The following PNKD variants were observed in gnomAD, a reference collection of about 807,000 sequenced individuals.
The protein encoded by PNKD is probable thioesterase PNKD.
Under a neutral mutation model 45.3 loss-of-function variants are expected in PNKD, and 36 were observed. The observed-to-expected ratio is 0.80, with a 90% confidence interval of 0.61 to 1.05. PNKD has a LOEUF of 1.05. Ranked by LOEUF, PNKD falls within the 50% of genes least tolerant of loss-of-function variation. PNKD has a pLI of 0.00. For synonymous variants in PNKD, 197 were observed against 210.1 expected (o/e 0.94, Z 0.54); for missense variants, 511 against 506.6 (o/e 1.01, Z -0.08).
chr2:218,323,492 TG>T (rs1314509367), intron 2 of PNKD: 18 of 601,990 alleles, frequency 3.0e-5, no homozygotes, highest in Non-Finnish European at 3.8e-5. Context: ...GAGAGGGGAC[TG>T]GGAGGCGGGG....
chr2:218,325,009 T>TC (rs1694106282), intron 2 of PNKD, among the ~76,000 whole-genome samples: 1 of 115,944 alleles, frequency 8.6e-6, no homozygotes, highest in African/African-American at 3.6e-5. Context: ...TTTTTTTTTT[T>TC]TTTTTTTTTT....
chr2:218,282,294 A>G, intron 2 of PNKD: 1 of 603,262 alleles, frequency 1.7e-6, no homozygotes. Flanking sequence ...AACACCACCT[A>G]TTTTCTCCTT....
chr2:218,307,027 A>G (rs777439289), intron 2 of PNKD, among the ~76,000 whole-genome samples: 3 of 152,194 alleles, frequency 2.0e-5, no homozygotes, highest in Non-Finnish European at 4.4e-5. Context: ...CAAAACAATG[A>G]CATTCGTTTA....
chr2:218,279,952 C>T (rs1691698203), intron 2 of PNKD: 1 of 1,093,898 alleles, frequency 9.1e-7, no homozygotes, highest in Non-Finnish European at 1.4e-6. Flanking sequence ...CCTGGGGCTA[C>T]TGTGGCCTAC....
intron 2 of PNKD, among the ~76,000 whole-genome samples, chr2:218,305,578 C>T (rs905743325): frequency 1.3e-5 from 2 of 151,414 alleles, no homozygotes; most frequent in Non-Finnish European, 2.9e-5. Flanking sequence ...TCTTGAATTT[C>T]TAGACAATTT....
At chr2:218,302,179 T>A (rs900811432) in intron 2 of PNKD, among the ~76,000 whole-genome samples, 10 of 152,042 alleles carry the variant, frequency 6.6e-5, no homozygotes, top group African/African-American at 2.4e-4. Flanking sequence ...GAAACCTGTC[T>A]CTACTAAAAA....
intron 2 of PNKD, among the ~76,000 whole-genome samples, chr2:218,296,373 G>T (rs1001473207): frequency 1.3e-5 from 2 of 152,062 alleles, no homozygotes; most frequent in Non-Finnish European, 2.9e-5. Context: ...AGGACTGGAT[G>T]TTATTTTAGG....
chr2:218,272,529 T>C (rs772154569), intron 2 of PNKD: 22 of 1,608,668 alleles, frequency 1.4e-5, no homozygotes, highest in South Asian at 7.7e-5. Flanking sequence ...GGCTCAGGCT[T>C]GGCCCCTCCC....
chr2:218,319,163 C>T (rs1693907147), intron 2 of PNKD, among the ~76,000 whole-genome samples: 1 of 151,136 alleles, frequency 6.6e-6, no homozygotes, highest in Non-Finnish European at 1.5e-5. Flanking sequence ...CTATGTTGGC[C>T]AGGCTGGTCT....
At chr2:218,321,567 T>C (rs1179857852) in intron 2 of PNKD, among the ~76,000 whole-genome samples, 3 of 151,722 alleles carry the variant, frequency 2.0e-5, no homozygotes. Flanking sequence ...TAATTTAACA[T>C]ATCCCTCACC....
At chr2:218,331,623 ATGCCCGGC>A (rs1171623911) in intron 2 of PNKD, among the ~76,000 whole-genome samples, 2 of 152,002 alleles carry the variant, frequency 1.3e-5, no homozygotes, top group East Asian at 3.9e-4. Flanking sequence ...TTGCACCATC[ATGCCCGGC>A]TAATTTTTGT....
chr2:218,317,596 TC>T (rs1693850478), intron 2 of PNKD, among the ~76,000 whole-genome samples: 1 of 152,138 alleles, frequency 6.6e-6, no homozygotes, highest in Admixed American at 6.5e-5. Context: ...ACTAAAGGCT[TC>T]CACTGCAGAA....
intron 2 of PNKD, among the ~76,000 whole-genome samples, chr2:218,322,348 C>T (rs1319532589): frequency 6.6e-6 from 1 of 152,228 alleles, no homozygotes; most frequent in Admixed American, 6.5e-5. Context: ...CACGCCTGTC[C>T]TCACACCTGC....
intron 2 of PNKD, among the ~76,000 whole-genome samples, chr2:218,332,293 A>G (rs1694349938): frequency 6.6e-6 from 1 of 152,114 alleles, no homozygotes; most frequent in Non-Finnish European, 1.5e-5. Context: ...GGCAAAATTG[A>G]GAGGGATCCT....
rs117445020 is a variant in PNKD, at chr2:218,277,141, A to G, written c.236+5592A>G. On this transcript the variant is annotated intron_variant, in intron 2 of 9. Transcript: ENST00000273077. Reference sequence around the variant, plus strand: ...AAGAGGCACCTGTCAGATGGCTGTGACAACCAGCCCAGTCAGACTGGCCCT... The same window carrying G: ...AAGAGGCACCTGTCAGATGGCTGTGGCAACCAGCCCAGTCAGACTGGCCCT... 1.1e-3 allele frequency: 1,645 copies of G among 1,557,768 alleles called. 32 individuals are homozygous for G. In the East Asian group the frequency reaches 0.034, roughly 32 times the overall value.
At position 218,278,982 on chromosome 2, in the gene PNKD, A is replaced by G. The variant is rs574058420; in HGVS notation, c.236+7433A>G. The G allele has an allele frequency of 6.9e-6, 11 of 1,604,712 alleles. No homozygotes were observed. In the South Asian group the frequency reaches 1.2e-4, roughly 18 times the overall value. ...GCCCTGAGCAAAGCTGGTCACCTAG[A>G]AACAGAAGCTGCCACCCCTGCCTCC... On this transcript the variant is annotated intron_variant, in intron 2 of 9. Coordinates refer to ENST00000273077, the MANE Select transcript of PNKD (RefSeq NM_015488.5).
chr2:218,328,713 C>A (rs1284405128), intron 2 of PNKD, among the ~76,000 whole-genome samples: 3 of 152,226 alleles, frequency 2.0e-5, no homozygotes, highest in Non-Finnish European at 4.4e-5. Flanking sequence ...TGAATGCATG[C>A]GTGCATGAAT....
At chr2:218,281,140 G>GTTTT (rs368774492) in intron 2 of PNKD, 59,506 of 113,280 alleles carry the variant, frequency 0.53, 16,074 homozygotes, top group South Asian at 0.69. Flanking sequence ...TTTTTTTTTT[G>GTTTT]GTTTTTTTTT....
intron 2 of PNKD, among the ~76,000 whole-genome samples, chr2:218,313,876 C>T (rs1427437111): frequency 6.8e-6 from 1 of 147,784 alleles, no homozygotes. Flanking sequence ...AATCAAATCT[C>T]GTTGTTTAAC....
Sources: gnomAD v4.1 joint callset for allele counts (sites outside exome capture counted in the v4.1 genomes callset) on GRCh38, gnomAD v4.1.1 for gene constraint, MANE v1.5 for transcripts, NCBI Gene and HGNC (gene_info 2026-07-23, HGNC 2026-07-21) for gene names.